DIS3L2: variants seen among roughly 807,000 people sequenced by gnomAD.
The protein encoded by DIS3L2 is DIS3-like exonuclease 2.
Under a neutral mutation model 97.5 loss-of-function variants are expected in DIS3L2, and 34 were observed. That is an observed-to-expected ratio of 0.35 (90% confidence interval 0.27 to 0.46). The LOEUF is 0.46. Among genes scored for constraint, DIS3L2 ranks in the 20% least tolerant of loss-of-function variants. The pLI is 1.00. For missense variants in DIS3L2, 1,038 were observed against 1,146.0 expected (o/e 0.91, Z 1.36); for synonymous variants, 435 against 445.2 (o/e 0.98, Z 0.29).
Position 232,209,443 on chromosome 2 carries a change from T to G in DIS3L2, c.1125-883T>G, listed in dbSNP as rs542460132. On this transcript the variant is annotated intron_variant, in intron 9 of 20. Coordinates refer to ENST00000325385, the MANE Select transcript of DIS3L2 (RefSeq NM_152383.5). Reference sequence around the variant, plus strand: ...GTATGGGCAACATCATCAGTGTTGATGAATGAGGAAAAGACAGAGAAATGG... The same window carrying G: ...GTATGGGCAACATCATCAGTGTTGAGGAATGAGGAAAAGACAGAGAAATGG... Among the ~76,000 whole-genome samples the G allele has an allele frequency of 8.5e-5, 13 of 152,236 alleles. No homozygotes were observed. In the East Asian group the frequency reaches 2.5e-3, roughly 29 times the overall value.
intron 5 of DIS3L2, among the ~76,000 whole-genome samples, chr2:232,083,944 C>T (rs1261821806): frequency 6.6e-6 from 1 of 152,174 alleles, no homozygotes; most frequent in African/African-American, 2.4e-5. Context: ...TATATAGCCA[C>T]CATGCTTTAG....
chr2:232,027,376 C>T (rs987905990), intron 4 of DIS3L2, among the ~76,000 whole-genome samples: 1 of 152,180 alleles, frequency 6.6e-6, no homozygotes, highest in Non-Finnish European at 1.5e-5. Context: ...CTAATTGTTA[C>T]CGGCTTAAGC....
intron 5 of DIS3L2, among the ~76,000 whole-genome samples, chr2:232,084,797 C>CT (rs1331718773): frequency 1.7e-5 from 1 of 58,364 alleles, no homozygotes; most frequent in Non-Finnish European, 3.3e-5. Context: ...CACAGTTTTG[C>CT]TCAAAAAAAA....
intron 10 of DIS3L2, among the ~76,000 whole-genome samples, chr2:232,220,012 C>T (rs1257512674): frequency 6.6e-6 from 1 of 152,070 alleles, no homozygotes; most frequent in African/African-American, 2.4e-5. Context: ...TGGCTTACAC[C>T]TATAATCCTA....
intron 10 of DIS3L2, among the ~76,000 whole-genome samples, chr2:232,218,789 G>A (rs1424519032): frequency 1.3e-5 from 2 of 152,216 alleles, no homozygotes; most frequent in East Asian, 1.9e-4. Flanking sequence ...TTGCTGTCTA[G>A]TTATCTTTCC....
At position 232,076,897 on chromosome 2, in the gene DIS3L2, G is replaced by A. The variant is rs368740863; in HGVS notation, c.367-10590G>A. 3.3e-5 allele frequency among the ~76,000 whole-genome samples: 5 copies of A among 152,208 alleles called. No homozygotes were observed. The South Asian group carries it at 1.0e-3, about 32-fold the overall frequency. On this transcript the variant is annotated intron_variant, in intron 5 of 20. Transcript: ENST00000325385. The stretch of plus-strand genomic sequence containing the variant: ...AGTATTGCATAGTGTCTCTGACCCG[G>A]CAAGTGTTCTTGTCTTTGAAATAGG...
chr2:232,076,964 C>A (rs1340418813), intron 5 of DIS3L2, among the ~76,000 whole-genome samples: 1 of 152,168 alleles, frequency 6.6e-6, no homozygotes, highest in Non-Finnish European at 1.5e-5. Flanking sequence ...AACACAAGGC[C>A]TGTGTTCCCC....
At chr2:232,328,860 C>T (rs889241382) in intron 14 of DIS3L2, 3 of 152,270 alleles carry the variant, frequency 2.0e-5, no homozygotes, top group African/African-American at 7.2e-5. Flanking sequence ...ATCTTCTTGT[C>T]CCACCAAAGG....
intron 1 of DIS3L2, among the ~76,000 whole-genome samples, chr2:231,977,844 A>G (rs1336430510): frequency 6.6e-6 from 1 of 152,200 alleles, no homozygotes; most frequent in Non-Finnish European, 1.5e-5. Flanking sequence ...TTCTTCTTGC[A>G]GTGCTTTTAA....
At position 232,194,937 on chromosome 2, in the gene DIS3L2, GA is replaced by G. The variant is rs539178641; in HGVS notation, c.1125-15386del. Among the ~76,000 whole-genome samples, 487 of 152,200 alleles carry G rather than the reference GA, an allele frequency of 3.2e-3. 3 individuals carry two copies. The highest frequency in any genetic ancestry group is 0.011 in the African/African-American group (442 of 41,492). Reference sequence around the variant, plus strand: ...CCAATTCTTGATTTGGAAACTCTCTGAAACAAACAGTTATTATGAGCATATT... The same window carrying G: ...CCAATTCTTGATTTGGAAACTCTCTGAACAAACAGTTATTATGAGCATATT... On this transcript the variant is annotated intron_variant, in intron 9 of 20. Transcript: ENST00000325385.
intron 2 of DIS3L2, 86 bp from the exon 3 acceptor site, chr2:232,015,428 A>T: frequency 6.6e-7 from 1 of 1,509,964 alleles, no homozygotes; most frequent in Non-Finnish European, 8.9e-7. Flanking sequence ...CTCTTTAAAT[A>T]ATAATTGTAA....
At chr2:232,225,550 A>T (rs1692621630) in intron 10 of DIS3L2, among the ~76,000 whole-genome samples, 1 of 152,194 alleles carries the variant, frequency 6.6e-6, no homozygotes, top group African/African-American at 2.4e-5. Context: ...AGGTCAGAAA[A>T]GTAATTATCT....
chr2:232,330,142 G>A (rs1695694372), intron 15 of DIS3L2, 146 bp downstream of exon 15: 4 of 1,025,174 alleles, frequency 3.9e-6, no homozygotes, highest in Non-Finnish European at 5.4e-6. Flanking sequence ...GAGGCCCTGG[G>A]AGAAAGGGCC....
At chr2:232,228,961 G>A (rs1335326059) in intron 10 of DIS3L2, among the ~76,000 whole-genome samples, 2 of 152,066 alleles carry the variant, frequency 1.3e-5, no homozygotes, top group Non-Finnish European at 2.9e-5. Flanking sequence ...TTTGAAAACT[G>A]AAAACATTAC....
chr2:232,184,604 C>T (rs990972437), intron 9 of DIS3L2, among the ~76,000 whole-genome samples: 1 of 151,984 alleles, frequency 6.6e-6, no homozygotes, highest in Non-Finnish European at 1.5e-5. Flanking sequence ...GAGCTGTGAT[C>T]GCGCCACTGC....
intron 1 of DIS3L2, among the ~76,000 whole-genome samples, chr2:231,965,714 A>G (rs889612597): frequency 1.3e-5 from 2 of 152,204 alleles, no homozygotes; most frequent in African/African-American, 4.8e-5. Context: ...ATGATACTCA[A>G]ATAATCACAC....
chr2:232,228,845 T>C (rs1692715998), intron 10 of DIS3L2, among the ~76,000 whole-genome samples: 2 of 152,248 alleles, frequency 1.3e-5, no homozygotes, highest in African/African-American at 4.8e-5. Flanking sequence ...CAAAATCCTA[T>C]CACTCAAAAC....
intron 6 of DIS3L2, among the ~76,000 whole-genome samples, chr2:232,103,199 A>G (rs1029431164): frequency 5.9e-5 from 9 of 152,024 alleles, no homozygotes; most frequent in Admixed American, 1.3e-4. Context: ...CTAGGTGTAA[A>G]ATAATTTTGT....
chr2:232,333,995 G>C lies in DIS3L2; in HGVS notation c.2158+8G>C, dbSNP rs1345507679. 3 of 1,606,268 alleles carry C rather than the reference G, an allele frequency of 1.9e-6. No individual in the cohort carries two copies. The highest frequency in any genetic ancestry group is 2.5e-6 in the Non-Finnish European group (3 of 1,176,722). On this transcript the variant is annotated splice_region_variant and intron_variant, in intron 17 of 20. Transcript: ENST00000325385. ...TCCTGGCTGCCGCGTTAGGTGAGGG[G>C]TGCAGTCGGGGTCAGGGCAGACCTG...
Sources: allele counts gnomAD v4.1 joint callset (sites outside exome capture counted in the v4.1 genomes callset), GRCh38; gene constraint gnomAD v4.1.1; transcripts MANE v1.5; gene names NCBI Gene and HGNC (gene_info 2026-07-23, HGNC 2026-07-21).